HJURP: variants seen among roughly 807,000 people sequenced by gnomAD.
HJURP encodes the protein Holliday junction recognition protein, also known as 14-3-3-associated AKT substrate.
A neutral mutation model predicts 72.0 loss-of-function variants in HJURP; 49 were observed. That is an observed-to-expected ratio of 0.68 (90% confidence interval 0.54 to 0.86). The LOEUF is 0.86. Ranked by LOEUF, HJURP falls within the 40% of genes least tolerant of loss-of-function variation. The probability of loss-of-function intolerance (pLI) is 0.00; values close to 1 mark genes in which losing one functional copy is unlikely to be tolerated. For missense variants in HJURP, 908 were observed against 936.3 expected, an observed-to-expected ratio of 0.97 and a Z score of 0.39; for synonymous variants, 357 against 347.1, an observed-to-expected ratio of 1.03 and a Z score of -0.32.
Position 233,837,508 on chromosome 2 carries a change from A to C in HJURP, c.*69T>G. 9.0e-7 allele frequency: 1 copy of C among 1,107,898 alleles called. No individual in the cohort carries two copies. The highest frequency in any genetic ancestry group is 1.8e-5 in the Admixed American group (1 of 55,622). 68.6% of individuals were successfully genotyped at this position (1,107,898 alleles called of 1,614,324 possible). A position where few individuals can be genotyped will look rare whatever the true frequency, so the allele number is the denominator to read the frequency against. On this transcript the variant is annotated 3_prime_UTR_variant, in exon 9 of 9. Transcript: ENST00000411486. Reference sequence around the variant, plus strand: ...CAACCAAGTCCTCACAGTCTCAAGAATCAAAAACAAAACAAAAATACAAAC... The same window carrying C: ...CAACCAAGTCCTCACAGTCTCAAGACTCAAAAACAAAACAAAAATACAAAC...
At chr2:233,853,975 A>C in intron 1 of HJURP, 65 bp from the exon 2 acceptor site, 1 of 1,443,934 alleles carries the variant, frequency 6.9e-7, no homozygotes, top group South Asian at 1.2e-5. Context: ...ACCCGGGAGG[A>C]GGCGGCGCCA....
rs1388065031 is a variant in HJURP at position 233,853,856 on chromosome 2, C to G, written c.172G>C (p.Glu58Gln). 4 of 1,613,868 alleles carry G rather than the reference C, an allele frequency of 2.5e-6. No homozygotes were observed. The highest frequency in any genetic ancestry group is 1.3e-5 in the African/African-American group (1 of 74,930). The change falls in exon 2 of 9, where the codon GAG becomes CAG. Residue 58 changes from glutamate (E) to glutamine (Q), a missense_variant. Physicochemically the swap from Glu to Gln is conservative, Grantham distance 29. This residue lies in a region of HJURP where 299 missense variants were observed against 286.7 expected (regional missense o/e 1.04). Coordinates refer to ENST00000411486, the MANE Select transcript of HJURP (RefSeq NM_018410.5). ...PVVQMATLTY[E>Q]TPQGLRIWGG... ...GGAAGACCCTTACCCTGTGGCGTCT[C>G]GTAGGTCAGCGTGGCCATTTGCACC...
chr2:233,843,507 G>A (rs1359595392), intron 7 of HJURP, among the ~76,000 whole-genome samples: 1 of 152,182 alleles, frequency 6.6e-6, no homozygotes, highest in Non-Finnish European at 1.5e-5. Context: ...TAACCACGAG[G>A]AAGCAATCAG....
chr2:233,841,179 G>A lies in HJURP; in HGVS notation c.1601C>T (p.Thr534Ile). The A allele has an allele frequency of 1.9e-6, 3 of 1,614,086 alleles. No individual in the cohort carries two copies. In the East Asian group the frequency reaches 6.7e-5, roughly 36 times the overall value. ...LPKTNPTHSA[T>I]RPQQTSDLHV... ...AAGGTCAGATGTCTGCTGCGGGCGAGTTGCGCTGTGTGTGGGGTTGGTCTT... is the reference window on the plus strand; with the variant it reads ...AAGGTCAGATGTCTGCTGCGGGCGAATTGCGCTGTGTGTGGGGTTGGTCTT... Residue 534 changes from threonine to isoleucine, a missense_variant, in exon 8 of 9, where the codon ACT becomes ATT. This residue lies in a region of HJURP where 598 missense variants were observed against 619.5 expected (regional missense o/e 0.97). Coordinates refer to ENST00000411486, the MANE Select transcript of HJURP (RefSeq NM_018410.5).
At chr2:233,851,553 G>C (rs879501314) in intron 3 of HJURP, among the ~76,000 whole-genome samples, 13 of 152,084 alleles carry the variant, frequency 8.5e-5, no homozygotes, top group African/African-American at 2.9e-4. Flanking sequence ...ATCAACAGGA[G>C]AGCAGTTAAA....
intron 2 of HJURP, 139 bp from the exon 3 acceptor site, chr2:233,852,759 C>T (rs1390441914): frequency 1.3e-5 from 8 of 607,050 alleles, no homozygotes; most frequent in African/African-American, 3.7e-5. Context: ...TGATACCCTG[C>T]GATTGTTCCT....
chr2:233,851,950 C>G (rs1025769994), intron 3 of HJURP, among the ~76,000 whole-genome samples: 1 of 152,080 alleles, frequency 6.6e-6, no homozygotes, highest in Non-Finnish European at 1.5e-5. Context: ...TACCAGATAA[C>G]CTGGCAAAAG....
chr2:233,847,306 G>C, intron 5 of HJURP, 91 bp downstream of exon 5: 1 of 975,708 alleles, frequency 1.0e-6, no homozygotes, highest in Non-Finnish European at 1.7e-6. Flanking sequence ...AGTGCAGGCA[G>C]CGCTGCCCGC....
At chr2:233,849,710 G>T in intron 4 of HJURP, 53 bp downstream of exon 4, 3 of 1,125,044 alleles carry the variant, frequency 2.7e-6, no homozygotes, top group Non-Finnish European at 2.6e-6. Flanking sequence ...TGTAACAGGT[G>T]CGTCAGACCT....
intron 8 of HJURP, among the ~76,000 whole-genome samples, chr2:233,839,357 C>T (rs1193049798): frequency 6.6e-6 from 1 of 152,140 alleles, no homozygotes; most frequent in African/African-American, 2.4e-5. Context: ...GGAGGATGTC[C>T]GAGGATGCAA....
chr2:233,840,085 G>A (rs1285655283), intron 8 of HJURP, among the ~76,000 whole-genome samples: 1 of 132,576 alleles, frequency 7.5e-6, no homozygotes, highest in East Asian at 2.1e-4. Context: ...GCAGAACAAG[G>A]TGCAGAAGTT....
rs781218710 is a variant in HJURP, at chr2:233,842,113, TGGA to T, written c.664_666del (p.Ser222del). 3.0e-5 allele frequency: 48 copies of T among 1,614,064 alleles called. No individual in the cohort carries two copies. Among genetic ancestry groups the T allele is most frequent in the Non-Finnish European group, 4.0e-5 (47 of 1,180,018 alleles). On this transcript the variant is annotated inframe_deletion, in exon 8 of 9. Coordinates refer to ENST00000411486, the MANE Select transcript of HJURP (RefSeq NM_018410.5). ...TTTCTAGGTACTAAGGCCATGTCTG[TGGA>T]GGAAGGATGCAAAGGATCCCATTCT...
Position 233,846,018 on chromosome 2 carries a change from GAC to G in HJURP, c.403-200_403-199del, listed in dbSNP as rs3841510. On this transcript the variant is annotated intron_variant, in intron 5 of 8. Coordinates refer to ENST00000411486, the MANE Select transcript of HJURP (RefSeq NM_018410.5). The surrounding 1 kb of genome is among the most constrained non-coding windows in gnomAD (Gnocchi z 4.3). ...TTAATAATCCAAAAGAATGTAAAAA[GAC>G]ACACACACACAAAAAAACCATGTCT... 77 of 486,344 alleles carry G rather than the reference GAC, an allele frequency of 1.6e-4. No homozygotes were observed. Among genetic ancestry groups the G allele is most frequent in the South Asian group, 4.2e-4 (13 of 31,166 alleles). The allele number at this position is 486,344 out of a possible 1,614,324, so 30.1% of individuals were successfully genotyped here.
At chr2:233,852,941 T>C (rs989832143) in intron 2 of HJURP, among the ~76,000 whole-genome samples, 9 of 152,262 alleles carry the variant, frequency 5.9e-5, no homozygotes, top group African/African-American at 2.2e-4. Context: ...ATATACCATA[T>C]AGAGGGAGTA....
In HJURP at chr2:233,846,575, C is replaced by T. The variant is rs1035041843; in HGVS notation, c.403-755G>A. Among the ~76,000 whole-genome samples the T allele has an allele frequency of 6.6e-6, 1 of 152,122 alleles. No individual in the cohort carries two copies. The highest frequency in any genetic ancestry group is 2.4e-5 in the African/African-American group (1 of 41,412). ...TATCCTCTGCTGAGTGGGGCTGGCA[C>T]TTTGGTTCTTGACTCTTGGTACCAC... is the stretch of plus-strand genomic sequence containing the variant. On this transcript the variant is annotated intron_variant, in intron 5 of 8. Transcript: ENST00000411486. This position sits in a 1 kb window ranked among gnomAD's most constrained non-coding sequence, Gnocchi z 4.3.
chr2:233,845,757 T>C lies in HJURP; in HGVS notation c.466A>G (p.Ile156Val), dbSNP rs756302388. The C allele has an allele frequency of 2.5e-6, 4 of 1,612,064 alleles. No individual in the cohort carries two copies. The South Asian group carries it at 4.4e-5, about 18-fold the overall frequency. The change falls in exon 6 of 9, where the codon ATA becomes GTA. Residue 156 changes from isoleucine (I) to valine (V), a missense_variant. Physicochemically the swap from Ile to Val is conservative, Grantham distance 29. Transcript: ENST00000411486. ...LRRKYLTQVD[I>V]LLQGAEYFEC... The stretch of plus-strand genomic sequence containing the variant: ...AAATACTCTGCACCTTGTAGCAGTA[T>C]ATCCACTTGGGTCAAGTATTTCCTT...
chr2:233,843,145 C>T (rs1028807665), intron 7 of HJURP, among the ~76,000 whole-genome samples: 3 of 152,004 alleles, frequency 2.0e-5, no homozygotes, highest in Non-Finnish European at 4.4e-5. Flanking sequence ...AAAAAAAGAA[C>T]CAGAGGGGAG....
At chr2:233,852,089 T>C (rs1401894836) in intron 3 of HJURP, among the ~76,000 whole-genome samples, 5 of 152,114 alleles carry the variant, frequency 3.3e-5, no homozygotes, top group Non-Finnish European at 5.9e-5. Context: ...CTTCCGAAGG[T>C]AGAAAAATGC....
At chr2:233,849,058 C>T (rs780326723) in intron 4 of HJURP, among the ~76,000 whole-genome samples, 3 of 152,184 alleles carry the variant, frequency 2.0e-5, no homozygotes, top group Non-Finnish European at 2.9e-5. Flanking sequence ...TTGTGAGAAA[C>T]CTCACCCAGA....
Sources: allele counts gnomAD v4.1 joint callset (sites outside exome capture counted in the v4.1 genomes callset), GRCh38; gene constraint gnomAD v4.1.1; regional missense constraint gnomAD v4.1.1; non-coding constraint Gnocchi (gnomAD v3.1); transcripts MANE v1.5; gene names NCBI Gene and HGNC (gene_info 2026-07-23, HGNC 2026-07-21).